The following TENM2 variants were observed in gnomAD, a reference collection of about 807,000 sequenced individuals.
TENM2 encodes teneurin-2.
TENM2 carries 52 observed loss-of-function variants against 245.2 expected under a neutral mutation model. The ratio of observed to expected loss-of-function variants is 0.21; its 90% CI spans 0.17 to 0.27. The LOEUF is 0.27. Ranked by LOEUF, TENM2 falls within the 10% of genes least tolerant of loss-of-function variation. TENM2 has a pLI of 1.00. For missense variants in TENM2, 3,046 were observed against 3,666.8 expected (o/e 0.83, Z 4.37); for synonymous variants, 1,363 against 1,438.9 (o/e 0.95, Z 1.19).
intron 12 of TENM2, chr5:168,130,554 G>C (rs4246812): frequency 0.53 from 80,196 of 151,990 alleles, 21,279 homozygotes; most frequent in East Asian, 0.66. Context: ...TTTTAAAATG[G>C]GTTGTTGTTC....
intron 2 of TENM2, among the ~76,000 whole-genome samples, chr5:167,461,809 T>C (rs895493838): frequency 1.3e-5 from 2 of 152,194 alleles, no homozygotes; most frequent in Non-Finnish European, 2.9e-5. Context: ...ATGATTCTAA[T>C]TTATATATAT....
chr5:167,856,678 T>G (rs894538395), intron 2 of TENM2, among the ~76,000 whole-genome samples: 5 of 152,208 alleles, frequency 3.3e-5, no homozygotes, highest in African/African-American at 1.2e-4. Flanking sequence ...ATAAATAATC[T>G]TCTGTCTCCT....
chr5:167,626,086 A>C (rs1175106232), intron 2 of TENM2, among the ~76,000 whole-genome samples: 4 of 152,196 alleles, frequency 2.6e-5, no homozygotes, highest in Non-Finnish European at 5.9e-5. Context: ...AGCCCACATT[A>C]AAGCAGAGAA....
chr5:167,827,381 G>T (rs113660941), intron 2 of TENM2, among the ~76,000 whole-genome samples: 1 of 152,026 alleles, frequency 6.6e-6, no homozygotes, highest in Non-Finnish European at 1.5e-5. Context: ...GAATTAAAAA[G>T]GTACTAGCTA....
At chr5:168,048,736 A>G (rs1019052114) in intron 6 of TENM2, among the ~76,000 whole-genome samples, 3 of 152,170 alleles carry the variant, frequency 2.0e-5, no homozygotes, top group South Asian at 2.1e-4. Context: ...TGCTGCTTCA[A>G]TTATCCTCCC....
chr5:167,579,317 G>A (rs1774924767), intron 2 of TENM2, among the ~76,000 whole-genome samples: 1 of 152,182 alleles, frequency 6.6e-6, no homozygotes, highest in Non-Finnish European at 1.5e-5. Flanking sequence ...TTGCCACTGT[G>A]TGTTTGCAGA....
At chr5:167,344,208 T>G (rs1758300894) in intron 1 of TENM2, among the ~76,000 whole-genome samples, 1 of 148,920 alleles carries the variant, frequency 6.7e-6, no homozygotes, top group South Asian at 2.1e-4. Flanking sequence ...ATTGCAGAGA[T>G]ATGAAACTGA....
chr5:167,541,173 A>G (rs185560262), intron 2 of TENM2, among the ~76,000 whole-genome samples: 1 of 152,326 alleles, frequency 6.6e-6, no homozygotes, highest in East Asian at 1.9e-4. Context: ...CCCTTCTTCT[A>G]ATAAAACCTG....
At chr5:167,193,388 A>G in the TENM2 span, among the ~76,000 whole-genome samples, 1 of 151,574 alleles carries the variant, frequency 6.6e-6, no homozygotes, top group Admixed American at 6.6e-5. Flanking sequence ...GGCAGGGGAT[A>G]TCTTTGTTTT....
At chr5:167,792,990 T>A (rs1765087517) in intron 2 of TENM2, among the ~76,000 whole-genome samples, 1 of 152,184 alleles carries the variant, frequency 6.6e-6, no homozygotes, top group African/African-American at 2.4e-5. Context: ...AAATCTTTTC[T>A]TTTTGTACAA....
intron 12 of TENM2, among the ~76,000 whole-genome samples, chr5:168,153,466 C>A (rs1456094801): frequency 6.6e-6 from 1 of 152,206 alleles, no homozygotes; most frequent in Non-Finnish European, 1.5e-5. Context: ...AAAGCCATTC[C>A]TAAACAAGGG....
At chr5:168,025,294 C>G (rs888709986) in intron 5 of TENM2, among the ~76,000 whole-genome samples, 5 of 152,210 alleles carry the variant, frequency 3.3e-5, no homozygotes, top group Admixed American at 2.0e-4. Context: ...GCATAGCATC[C>G]ATGCTAATGG....
the TENM2 span, among the ~76,000 whole-genome samples, chr5:167,071,984 T>C: frequency 6.7e-6 from 1 of 149,246 alleles, no homozygotes; most frequent in Non-Finnish European, 1.5e-5. Flanking sequence ...GAAGGGCTTC[T>C]CAGAGTGGTT....
chr5:167,031,105 C>T, the TENM2 span, among the ~76,000 whole-genome samples: 2 of 152,168 alleles, frequency 1.3e-5, no homozygotes, highest in African/African-American at 2.4e-5. Flanking sequence ...CATTTGGAAG[C>T]CAATCCAAAC....
At chr5:167,940,319 A>C (rs1036759957) in intron 3 of TENM2, among the ~76,000 whole-genome samples, 3 of 152,164 alleles carry the variant, frequency 2.0e-5, no homozygotes, top group African/African-American at 7.2e-5. Context: ...GTGTCTACCA[A>C]GTACTCCAAG....
In TENM2 at chr5:168,228,543, A is replaced by T. The variant is rs928917652; in HGVS notation, c.5520+413A>T. Among the ~76,000 whole-genome samples, 7 of 82,266 alleles carry T rather than the reference A, an allele frequency of 8.5e-5. No homozygotes were observed. In the African/African-American group the frequency reaches 1.1e-3, roughly 13 times the overall value. 54.0% of individuals were successfully genotyped at this position (82,266 alleles called of 152,430 possible). A position where few individuals can be genotyped will look rare whatever the true frequency, so the allele number is the denominator to read the frequency against. On this transcript the variant is annotated intron_variant, in intron 25 of 28. Transcript: ENST00000518659. ...CAATGAATTGGTGTTCGTGCCTACT[A>T]TGTGCTGAGTAATTTGCTAAGTGCT... is the stretch of plus-strand genomic sequence containing the variant.
intron 5 of TENM2, among the ~76,000 whole-genome samples, chr5:168,037,882 T>TG (rs1787848888): frequency 6.6e-6 from 1 of 152,246 alleles, no homozygotes; most frequent in South Asian, 2.1e-4. Context: ...CTGGACCAGA[T>TG]GGCCTTTGAG....
intron 2 of TENM2, among the ~76,000 whole-genome samples, chr5:167,725,208 T>C (rs1759909278): frequency 6.6e-6 from 1 of 152,172 alleles, no homozygotes; most frequent in Non-Finnish European, 1.5e-5. Flanking sequence ...TGTTTTCCCC[T>C]GGATTTATGT....
chr5:168,019,113 G>A (rs1272589821), intron 5 of TENM2, among the ~76,000 whole-genome samples: 1 of 152,140 alleles, frequency 6.6e-6, no homozygotes, highest in Non-Finnish European at 1.5e-5. Context: ...ACCAAGTGCA[G>A]TGATTAAAGC....
Sources: allele counts gnomAD v4.1 joint callset (sites outside exome capture counted in the v4.1 genomes callset), GRCh38; gene constraint gnomAD v4.1.1; transcripts MANE v1.5; gene names NCBI Gene and HGNC (gene_info 2026-07-23, HGNC 2026-07-21).